Variants in OTUD7B observed in about 807,000 individuals in gnomAD.
OTUD7B encodes the protein OTU domain-containing protein 7B.
A neutral mutation model predicts 82.2 loss-of-function variants in OTUD7B; 34 were observed. That is an observed-to-expected ratio of 0.41 (90% confidence interval 0.31 to 0.55). The LOEUF (loss-of-function observed/expected upper bound fraction) is 0.55, where lower values mean the gene tolerates loss of function less well. Ranked by LOEUF, OTUD7B falls within the 20% of genes least tolerant of loss-of-function variation. The probability of loss-of-function intolerance (pLI) is 0.20; values close to 1 mark genes in which losing one functional copy is unlikely to be tolerated. For synonymous variants in OTUD7B, 398 were observed against 402.7 expected, an observed-to-expected ratio of 0.99 and a Z score of 0.14; for missense variants, 944 against 1,062.1, an observed-to-expected ratio of 0.89 and a Z score of 1.55.
At chr1:150,006,895 G>T (rs1284259290) in intron 1 of OTUD7B, among the ~76,000 whole-genome samples, 1 of 152,186 alleles carries the variant, frequency 6.6e-6, no homozygotes, top group African/African-American at 2.4e-5. Context: ...ACAATGTACG[G>T]ATGCCTGCCT....
chr1:149,979,645 C>T (rs1553779292), intron 1 of OTUD7B, among the ~76,000 whole-genome samples: 1 of 151,972 alleles, frequency 6.6e-6, no homozygotes, highest in African/African-American at 2.4e-5. Flanking sequence ...GTCTAAGATA[C>T]CTCAAATTCA....
chr1:149,938,499 G>A lies in OTUD7B; in HGVS notation c.*5358C>T, dbSNP rs2092741204. On this transcript the variant is annotated 3_prime_UTR_variant, in exon 12 of 12. Transcript: ENST00000581312. ...AAAAAAAAGACATAGGAAGAGGTGT[G>A]TACCATAACTTTTAAATCCCATTAT... 1 of 143,756 alleles carries A rather than the reference G, an allele frequency of 7.0e-6. No individual in the cohort carries two copies. The highest frequency in any genetic ancestry group is 2.2e-4 in the South Asian group (1 of 4,460). 8.9% of individuals were successfully genotyped at this position (143,756 alleles called of 1,614,324 possible).
chr1:149,979,134 A>G (rs782509055), intron 1 of OTUD7B, among the ~76,000 whole-genome samples: 10 of 152,186 alleles, frequency 6.6e-5, no homozygotes, highest in East Asian at 1.9e-4. Context: ...TGTAACTCCA[A>G]CATCTAGTGT....
At chr1:149,975,620 T>C (rs1553778384) in intron 2 of OTUD7B, among the ~76,000 whole-genome samples, 1 of 152,030 alleles carries the variant, frequency 6.6e-6, no homozygotes, top group African/African-American at 2.4e-5. Flanking sequence ...ATGAGGAGAA[T>C]AGAGGAAAGA....
At chr1:149,968,626 C>T (rs73010183) in intron 3 of OTUD7B, among the ~76,000 whole-genome samples, 2,919 of 152,284 alleles carry the variant, frequency 0.019, 79 homozygotes, top group African/African-American at 0.064. Context: ...CTTAATACAA[C>T]ATTTGCCAGA....
intron 1 of OTUD7B, among the ~76,000 whole-genome samples, chr1:149,998,456 CTG>C (rs1235537893): frequency 6.6e-6 from 1 of 152,220 alleles, no homozygotes; most frequent in East Asian, 1.9e-4. Context: ...AGGTAAAACA[CTG>C]TGCTACAAAC....
chr1:150,053,291 G>A, the OTUD7B span, among the ~76,000 whole-genome samples: 1 of 152,076 alleles, frequency 6.6e-6, no homozygotes, highest in Non-Finnish European at 1.5e-5. Context: ...TCTGACAAAG[G>A]TCTAATATCC....
chr1:149,982,604 C>A (rs1553779968), intron 1 of OTUD7B, among the ~76,000 whole-genome samples: 1 of 151,824 alleles, frequency 6.6e-6, no homozygotes, highest in African/African-American at 2.4e-5. Flanking sequence ...GGACCAAAGG[C>A]ACTTAAATAA....
the OTUD7B span, among the ~76,000 whole-genome samples, chr1:150,064,486 A>ACGC: frequency 2.0e-5 from 3 of 151,806 alleles, no homozygotes; most frequent in Non-Finnish European, 4.4e-5. Context: ...ATCCTACCGC[A>ACGC]CGCTTCTCAA....
the OTUD7B span, among the ~76,000 whole-genome samples, chr1:150,059,306 C>CCCCGA: frequency 7.1e-5 from 3 of 42,242 alleles, no homozygotes; most frequent in African/African-American, 3.2e-4. Context: ...ACCCCCCCCC[C>CCCCGA]CCCCGCCTCC....
Position 149,999,507 on chromosome 1 carries a change from T to C in OTUD7B, c.-67+10941A>G, listed in dbSNP as rs1193315237. ...ATACTTAGCCAGGTGAGCTACCAGT[T>C]CAAGGGAGGCAAAAGCAGATGCTCA... On this transcript the variant is annotated intron_variant, in intron 1 of 11. Coordinates refer to ENST00000581312, the MANE Select transcript of OTUD7B (RefSeq NM_020205.4). Among the ~76,000 whole-genome samples the C allele has an allele frequency of 3.9e-5, 6 of 152,124 alleles. No individual in the cohort carries two copies. The South Asian group carries it at 8.3e-4, about 21-fold the overall frequency.
the OTUD7B span, among the ~76,000 whole-genome samples, chr1:150,032,891 C>T: frequency 6.6e-6 from 1 of 152,150 alleles, no homozygotes; most frequent in East Asian, 1.9e-4. Context: ...CTCCAGTTCA[C>T]CACCGTCCTC....
the OTUD7B span, among the ~76,000 whole-genome samples, chr1:150,046,694 C>T: frequency 2.6e-5 from 4 of 150,978 alleles, no homozygotes; most frequent in Admixed American, 6.6e-5. Context: ...CGTGATCCAC[C>T]CGCCTCGTCC....
chr1:149,971,775 C>T (rs962892148), intron 2 of OTUD7B, among the ~76,000 whole-genome samples: 1 of 152,028 alleles, frequency 6.6e-6, no homozygotes, highest in East Asian at 1.9e-4. Context: ...AACAGTGTTT[C>T]CCCCAAATTT....
At chr1:150,065,849 G>GTTTCTTTTTTTTTT in the OTUD7B span, among the ~76,000 whole-genome samples, 1 of 151,636 alleles carries the variant, frequency 6.6e-6, no homozygotes, top group African/African-American at 2.4e-5. Context: ...TGTTCAAAAT[G>GTTTCTTTTTTTTTT]TTTATGTTCC....
intron 5 of OTUD7B, among the ~76,000 whole-genome samples, chr1:149,965,257 C>T (rs1363096629): frequency 3.3e-5 from 5 of 151,880 alleles, no homozygotes; most frequent in African/African-American, 7.2e-5. Context: ...ATCCCAGCTA[C>T]TTGGGAGGCT....
upstream of OTUD7B, among the ~76,000 whole-genome samples, chr1:150,014,109 A>ATATATATAT (rs1559875242): frequency 3.4e-4 from 34 of 101,058 alleles, no homozygotes; most frequent in African/African-American, 1.2e-3. Flanking sequence ...TATATATAGT[A>ATATATATAT]GGGGCTCAGC....
chr1:150,040,428 T>G, the OTUD7B span, among the ~76,000 whole-genome samples: 1 of 152,336 alleles, frequency 6.6e-6, no homozygotes, highest in Non-Finnish European at 1.5e-5. Context: ...TTCTAGTAGA[T>G]ATCCATGATC....
chr1:150,051,580 T>G, the OTUD7B span, among the ~76,000 whole-genome samples: 2 of 152,170 alleles, frequency 1.3e-5, no homozygotes, highest in South Asian at 4.1e-4. Flanking sequence ...AAAAGTAGGT[T>G]TCTTTCCATC....
Sources: gnomAD v4.1 joint callset for allele counts (sites outside exome capture counted in the v4.1 genomes callset) on GRCh38, gnomAD v4.1.1 for gene constraint, MANE v1.5 for transcripts, NCBI Gene and HGNC (gene_info 2026-07-23, HGNC 2026-07-21) for gene names.